The following DOCK8 variants were observed in gnomAD, a reference collection of about 807,000 sequenced individuals.
DOCK8 encodes dedicator of cytokinesis protein 8.
In DOCK8, 141 loss-of-function variants were observed where a neutral mutation model predicts 245.6. That is an observed-to-expected ratio of 0.57 (90% CI 0.50 to 0.66). The LOEUF (loss-of-function observed/expected upper bound fraction) is 0.66. DOCK8 is among the 30% of genes least tolerant of loss of function. The pLI is 0.00. For missense variants in DOCK8, 2,965 were observed against 2,603.4 expected (o/e 1.14, Z -3.02); for synonymous variants, 1,168 against 970.2 (o/e 1.20, Z -3.79).
At chr9:400,631 A>T (rs1445553105) in intron 26 of DOCK8, among the ~76,000 whole-genome samples, 7 of 117,816 alleles carry the variant, frequency 5.9e-5, no homozygotes, top group East Asian at 2.5e-4. Flanking sequence ...CACCATCACC[A>T]CCACCTCCAC....
At position 399,267 on chromosome 9, in the gene DOCK8, T is replaced by TGGCCCC; in HGVS notation, c.3234+8_3234+9insGGCCCC. 6.5e-7 allele frequency: 1 copy of TGGCCCC among 1,534,486 alleles called. No homozygotes were observed. The highest frequency in any genetic ancestry group is 8.6e-7 in the Non-Finnish European group (1 of 1,156,104). On this transcript the variant is annotated intron_variant, in intron 26 of 47. Transcript: ENST00000432829. ...AGACATTATTGCAGCCAGGTGAGTG[T>TGGCCCC]CCCCCCCACCCCCACCCCCGAGCGA...
chr9:278,771 G>C (rs935228838), intron 2 of DOCK8, among the ~76,000 whole-genome samples: 1 of 152,214 alleles, frequency 6.6e-6, no homozygotes, highest in Non-Finnish European at 1.5e-5. Context: ...GAAGCAGAAT[G>C]AGGCCTGAAC....
chr9:217,872 G>A (rs965173160), intron 1 of DOCK8, among the ~76,000 whole-genome samples: 6 of 152,264 alleles, frequency 3.9e-5, no homozygotes, highest in South Asian at 4.1e-4. Context: ...CATACAACCA[G>A]CAATGGCAGA....
intron 47 of DOCK8, 102 bp from the exon 48 acceptor site, chr9:464,057 T>C (rs2131986733): frequency 1.0e-6 from 1 of 992,708 alleles, no homozygotes; most frequent in Non-Finnish European, 1.6e-6. Flanking sequence ...TGTCCATTTC[T>C]ACTGGGTGAT....
At chr9:253,149 G>A (rs529708209) in intron 1 of DOCK8, among the ~76,000 whole-genome samples, 2 of 152,198 alleles carry the variant, frequency 1.3e-5, no homozygotes, top group East Asian at 1.9e-4. Context: ...GCATCTACAG[G>A]GTAGTCTGGG....
intron 2 of DOCK8, among the ~76,000 whole-genome samples, chr9:281,246 T>C (rs890562416): frequency 7.2e-6 from 1 of 139,352 alleles, no homozygotes. Flanking sequence ...AGACTCTGTC[T>C]CAAAAAAAAA....
At chr9:326,676 C>T (rs1015452351) in intron 8 of DOCK8, among the ~76,000 whole-genome samples, 1 of 152,340 alleles carries the variant, frequency 6.6e-6, no homozygotes, top group Middle Eastern at 3.4e-3. Flanking sequence ...CTCTGTTCCA[C>T]GCAGCCACTC....
chr9:299,018 T>A (rs1301143716), intron 4 of DOCK8, among the ~76,000 whole-genome samples: 1 of 152,204 alleles, frequency 6.6e-6, no homozygotes, highest in African/African-American at 2.4e-5. Flanking sequence ...TTTTTCCCCC[T>A]AAAATTGGAT....
At chr9:389,408 G>A (rs1346373682) in intron 23 of DOCK8, among the ~76,000 whole-genome samples, 4 of 152,184 alleles carry the variant, frequency 2.6e-5, no homozygotes, top group Admixed American at 2.6e-4. Flanking sequence ...CTGGGACATA[G>A]ACATTTAGAT....
chr9:216,014 T>C (rs1478244304), intron 1 of DOCK8, among the ~76,000 whole-genome samples: 1 of 152,186 alleles, frequency 6.6e-6, no homozygotes, highest in African/African-American at 2.4e-5. Flanking sequence ...TTTGTGCTGT[T>C]AGTGTGTGAA....
intron 1 of DOCK8, among the ~76,000 whole-genome samples, chr9:222,402 G>C (rs535690996): frequency 8.5e-5 from 13 of 152,190 alleles, no homozygotes; most frequent in South Asian, 4.2e-4. Flanking sequence ...AGTATAATTG[G>C]TCATAGGAAA....
At chr9:294,734 C>T (rs2049182188) in intron 4 of DOCK8, among the ~76,000 whole-genome samples, 1 of 152,192 alleles carries the variant, frequency 6.6e-6, no homozygotes, top group South Asian at 2.1e-4. Flanking sequence ...CCAGATTGTA[C>T]TCAGTTGGGT....
chr9:345,843 A>G (rs1223715568), intron 14 of DOCK8, among the ~76,000 whole-genome samples: 1 of 152,044 alleles, frequency 6.6e-6, no homozygotes, highest in Non-Finnish European at 1.5e-5. Context: ...AAGTTTCTTT[A>G]AGGAACAGCT....
chr9:427,530 T>A (rs1328206136), intron 34 of DOCK8, among the ~76,000 whole-genome samples: 1 of 152,222 alleles, frequency 6.6e-6, no homozygotes, highest in Non-Finnish European at 1.5e-5. Flanking sequence ...CATACTAATT[T>A]TATCTTCTAT....
chr9:355,304 A>G (rs1451877945), intron 14 of DOCK8, among the ~76,000 whole-genome samples: 1 of 149,344 alleles, frequency 6.7e-6, no homozygotes, highest in Non-Finnish European at 1.5e-5. Context: ...TCCTGGTACA[A>G]GCGATTCCCC....
chr9:432,773 A>ATTGT (rs1271573575), intron 37 of DOCK8, among the ~76,000 whole-genome samples: 1 of 152,128 alleles, frequency 6.6e-6, no homozygotes, highest in Non-Finnish European at 1.5e-5. Context: ...GAAACAATGA[A>ATTGT]TTGTTTGTAT....
intron 43 of DOCK8, 130 bp from the exon 44 acceptor site, chr9:446,240 G>A (rs2057253608): frequency 3.7e-6 from 3 of 806,400 alleles, no homozygotes; most frequent in Non-Finnish European, 6.6e-6. Context: ...ATTCTCCCCT[G>A]CATCTGTAGC....
intron 28 of DOCK8, 74 bp from the exon 29 acceptor site, chr9:414,708 C>T: frequency 6.3e-7 from 1 of 1,590,230 alleles, no homozygotes; most frequent in Non-Finnish European, 8.6e-7. Context: ...GTTTTCATCA[C>T]TCTTGACTGT....
intron 14 of DOCK8, among the ~76,000 whole-genome samples, chr9:353,402 A>G (rs184850382): frequency 6.2e-4 from 94 of 152,344 alleles, no homozygotes; most frequent in Middle Eastern, 3.4e-3. Flanking sequence ...TAAAACAAGC[A>G]TTTTAATGAA....
Sources: allele counts gnomAD v4.1 joint callset (sites outside exome capture counted in the v4.1 genomes callset), GRCh38; gene constraint gnomAD v4.1.1; transcripts MANE v1.5; gene names NCBI Gene and HGNC (gene_info 2026-07-23, HGNC 2026-07-21).